The following LIM2 variants were observed in gnomAD, a reference collection of about 807,000 sequenced individuals.
LIM2 encodes lens fiber membrane intrinsic protein.
Under a neutral mutation model 19.0 loss-of-function variants are expected in LIM2, and 14 were observed. That is an observed-to-expected ratio of 0.74 (90% confidence interval 0.49 to 1.15). The LOEUF (loss-of-function observed/expected upper bound fraction) is 1.15, where lower values mean the gene tolerates loss of function less well. Ranked by LOEUF, LIM2 falls within the 50% of genes most tolerant of loss-of-function variation. The probability of loss-of-function intolerance (pLI) is 0.00; values close to 1 mark genes in which losing one functional copy is unlikely to be tolerated. For missense variants in LIM2, 230 were observed against 243.5 expected (o/e 0.94, Z 0.37); for synonymous variants, 78 against 89.6 (o/e 0.87, Z 0.73).
At chr19:51,381,275 A>G (rs1986886435) in intron 3 of LIM2, among the ~76,000 whole-genome samples, 2 of 152,276 alleles carry the variant, frequency 1.3e-5, no homozygotes, top group African/African-American at 4.8e-5. Context: ...GTGAGCTGAG[A>G]TCGAGCCACT....
intron 2 of LIM2, among the ~76,000 whole-genome samples, chr19:51,383,905 A>T (rs1365517302): frequency 1.3e-5 from 2 of 152,260 alleles, no homozygotes; most frequent in East Asian, 3.9e-4. Context: ...AAAAGTAAAA[A>T]GTCTAGGATC....
chr19:51,382,657 T>A, intron 2 of LIM2, 90 bp from the exon 3 acceptor site: 1 of 1,550,060 alleles, frequency 6.5e-7, no homozygotes, highest in Non-Finnish European at 8.9e-7. Context: ...CTTGCCCCTT[T>A]CCATATCCCT....
At chr19:51,380,766 G>T in intron 3 of LIM2, 127 bp from the exon 4 acceptor site, 1 of 1,113,128 alleles carries the variant, frequency 9.0e-7, no homozygotes, top group Admixed American at 2.0e-5. Flanking sequence ...GTTGGGGGTG[G>T]GGATAGGAGT....
chr19:51,384,840 G>T (rs1420445186), intron 2 of LIM2, among the ~76,000 whole-genome samples: 1 of 151,588 alleles, frequency 6.6e-6, no homozygotes, highest in Admixed American at 6.6e-5. Context: ...GGCCAGGAGG[G>T]TTTCTTTTTG....
At chr19:51,380,939 T>C (rs374037791) in intron 3 of LIM2, among the ~76,000 whole-genome samples, 8 of 152,064 alleles carry the variant, frequency 5.3e-5, no homozygotes, top group African/African-American at 1.9e-4. Context: ...AGGGTCTTTG[T>C]TATTCTTGAG....
At chr19:51,386,674 AAT>A (rs1479605549) in intron 2 of LIM2, among the ~76,000 whole-genome samples, 5 of 147,726 alleles carry the variant, frequency 3.4e-5, no homozygotes, top group South Asian at 4.2e-4. Context: ...TTTATTATAT[AAT>A]AGAGGTGCAT....
rs769161247 is a variant in LIM2, at chr19:51,380,609, T to C, written c.356A>G (p.Tyr119Cys). The change falls in exon 4 of 5, where the codon TAC (tyrosine) becomes TGC (cysteine). Residue 119 changes from tyrosine to cysteine, a missense_variant. Coordinates refer to ENST00000596399, the MANE Select transcript of LIM2 (RefSeq NM_001161748.2). ...CAGGAAGCTGACGGTGACTCCAGTG[T>C]AGATGGCCAAGGCCAACACGACGAA... ...TLFVVLALAI[Y>C]TGVTVSFLGR... is the part of the protein sequence containing the mutation. 5.0e-6 allele frequency: 8 copies of C among 1,613,810 alleles called. No homozygotes were observed. The highest frequency in any genetic ancestry group is 6.8e-6 in the Non-Finnish European group (8 of 1,179,980).
At position 51,380,245 on chromosome 19, in the gene LIM2, C is replaced by T. The variant is rs755076326; in HGVS notation, c.478G>A (p.Ala160Thr). 9 of 1,613,404 alleles carry T rather than the reference C, an allele frequency of 5.6e-6. No individual in the cohort carries two copies. Among genetic ancestry groups the T allele is most frequent in the Non-Finnish European group, 7.6e-6 (9 of 1,179,812 alleles). Residue 160 changes from alanine (A) to threonine (T), a missense_variant, in exon 5 of 5, where the codon GCC becomes ACC. Transcript: ENST00000596399. ...CGCCGGCATTCATGCACCCGGTAGG[C>T]GCACATGTAGAAAATCCCTGCATGA... Reference protein sequence around the residue: ...TFFAGIFYMCAYRVHECRRLS... With the variant: ...TFFAGIFYMCTYRVHECRRLS...
intron 2 of LIM2, among the ~76,000 whole-genome samples, chr19:51,384,989 A>G (rs999527964): frequency 6.6e-6 from 1 of 151,716 alleles, no homozygotes; most frequent in Non-Finnish European, 1.5e-5. Flanking sequence ...CAGCCTTCTG[A>G]GCAGCTGGGG....
chr19:51,382,663 T>A (rs1350014401), intron 2 of LIM2, 96 bp from the exon 3 acceptor site: 1 of 1,520,980 alleles, frequency 6.6e-7, no homozygotes, highest in Non-Finnish European at 9.1e-7. Context: ...CCTTTCCATA[T>A]CCCTAACCCA....
chr19:51,380,936 T>G (rs997015767), intron 3 of LIM2, among the ~76,000 whole-genome samples: 5 of 152,034 alleles, frequency 3.3e-5, no homozygotes, highest in Non-Finnish European at 7.4e-5. Flanking sequence ...AGGAGGGTCT[T>G]TGTTATTCTT....
intron 3 of LIM2, among the ~76,000 whole-genome samples, chr19:51,382,116 C>A (rs1020312724): frequency 2.0e-5 from 3 of 152,324 alleles, no homozygotes; most frequent in Non-Finnish European, 4.4e-5. Flanking sequence ...AGGCACCCTG[C>A]TTGCAGCTTG....
At chr19:51,383,693 A>G (rs1462673568) in intron 2 of LIM2, among the ~76,000 whole-genome samples, 2 of 152,180 alleles carry the variant, frequency 1.3e-5, no homozygotes, top group African/African-American at 2.4e-5. Flanking sequence ...GCCCTACTCT[A>G]TAAGTACCAT....
At chr19:51,386,383 C>T (rs1457614519) in intron 2 of LIM2, among the ~76,000 whole-genome samples, 1 of 150,540 alleles carries the variant, frequency 6.6e-6, no homozygotes, top group South Asian at 2.1e-4. Context: ...CTCAGCCTCC[C>T]GAAGTGCTGG....
chr19:51,383,301 C>T (rs1002759535), intron 2 of LIM2, among the ~76,000 whole-genome samples: 6 of 152,272 alleles, frequency 3.9e-5, no homozygotes, highest in African/African-American at 1.4e-4. Context: ...TCCCAAAGTG[C>T]TGAGATTACA....
intron 2 of LIM2, among the ~76,000 whole-genome samples, chr19:51,386,486 TATATA>T (rs901346766): frequency 3.4e-5 from 5 of 148,336 alleles, no homozygotes; most frequent in African/African-American, 7.3e-5. Flanking sequence ...ATTAATTTAT[TATATA>T]ATATATTGTA....
chr19:51,380,980 T>C (rs1986880347), intron 3 of LIM2, among the ~76,000 whole-genome samples: 1 of 152,000 alleles, frequency 6.6e-6, no homozygotes, highest in Non-Finnish European at 1.5e-5. Flanking sequence ...TTTATGGTAA[T>C]GAGATGAGAT....
In LIM2 at chr19:51,387,349, C is replaced by G. The variant is rs370685026; in HGVS notation, c.95G>C (p.Arg32Pro). ...AMATDHWMQY[R>P]LSGSFAHQGL... is the part of the protein sequence containing the mutation. ...CTGGTGGGCGAAGGACCCTGACAGCCGGTACTGCATCCAGTGGTCTGTTGC... is the reference window on the plus strand; with the variant it reads ...CTGGTGGGCGAAGGACCCTGACAGCGGGTACTGCATCCAGTGGTCTGTTGC... The change falls in exon 2 of 5, where the codon CGG becomes CCG. Residue 32 changes from arginine (R) to proline (P), a missense_variant. Physicochemically the swap from Arg to Pro is moderately radical, Grantham distance 103 (BLOSUM62 -2). Transcript: ENST00000596399. The G allele has an allele frequency of 6.2e-7, 1 of 1,614,060 alleles. No individual in the cohort carries two copies. Among genetic ancestry groups the G allele is most frequent in the East Asian group, 2.2e-5 (1 of 44,902 alleles).
chr19:51,380,448 C>CT, intron 4 of LIM2, 57 bp downstream of exon 4: 1 of 1,612,102 alleles, frequency 6.2e-7, no homozygotes. Context: ...ATCTTCCACT[C>CT]TATCTGCTGC....
Sources: gnomAD v4.1 joint callset for allele counts (sites outside exome capture counted in the v4.1 genomes callset) on GRCh38, gnomAD v4.1.1 for gene constraint, MANE v1.5 for transcripts, NCBI Gene and HGNC (gene_info 2026-07-23, HGNC 2026-07-21) for gene names.